MILR1: variants seen among roughly 807,000 people sequenced by gnomAD.
MILR1 encodes the protein allergin-1.
A neutral mutation model predicts 18.5 loss-of-function variants in MILR1; 31 were observed. The observed-to-expected ratio is 1.68, with a 90% CI of 1.26 to 2.26. The LOEUF (loss-of-function observed/expected upper bound fraction) is 2.26, where lower values mean the gene tolerates loss of function less well. Among genes scored for constraint, MILR1 ranks in the 30% most tolerant of loss-of-function variants. The probability of loss-of-function intolerance (pLI) is 0.00; values close to 1 mark genes in which losing one functional copy is unlikely to be tolerated. For missense variants in MILR1, 257 were observed against 157.4 expected, an observed-to-expected ratio of 1.63 and a Z score of -3.38; for synonymous variants, 85 against 56.2, an observed-to-expected ratio of 1.51 and a Z score of -2.30.
the MILR1 span, among the ~76,000 whole-genome samples, chr17:64,497,349 T>C: frequency 6.6e-6 from 1 of 152,274 alleles, no homozygotes; most frequent in Non-Finnish European, 1.5e-5. Context: ...ACTTCAGTAT[T>C]ATCCAAATCA....
chr17:64,496,274 A>C, the MILR1 span: 1 of 647,020 alleles, frequency 1.5e-6, no homozygotes, highest in Non-Finnish European at 2.8e-6. Context: ...ATATCCGACT[A>C]CTTCAAAAAG....
At chr17:64,493,026 C>G in the MILR1 span, 1 of 1,614,036 alleles carries the variant, frequency 6.2e-7, no homozygotes, top group Non-Finnish European at 8.5e-7. Context: ...AGGCACCTGT[C>G]AAAAGATAAA....
Position 64,464,748 on chromosome 17 carries a change from C to A in MILR1, c.764-704C>A, listed in dbSNP as rs552009186. On this transcript the variant is annotated intron_variant, in intron 5 of 9. Transcript: ENST00000619286. The stretch of plus-strand genomic sequence containing the variant: ...GACCAGCCTGGCTAACATGGTGAAG[C>A]CCCGCCTCTACTAAAAATACAAAAA... Among the ~76,000 whole-genome samples, 35 of 152,288 alleles carry A rather than the reference C, an allele frequency of 2.3e-4. 1 individual carries two copies. The South Asian group carries it at 6.8e-3, about 30-fold the overall frequency.
intron 5 of MILR1, among the ~76,000 whole-genome samples, chr17:64,463,919 G>A (rs1245657618): frequency 6.7e-6 from 1 of 150,370 alleles, no homozygotes; most frequent in Non-Finnish European, 1.5e-5. Flanking sequence ...TGCCTCCCAG[G>A]TTCAAGCGTT....
At position 64,466,618 on chromosome 17, in the gene MILR1, A is replaced by T. The variant is rs782085247; in HGVS notation, c.935A>T (p.Gln312Leu). 6.2e-7 allele frequency: 1 copy of T among 1,611,206 alleles called. No homozygotes were observed. The highest frequency in any genetic ancestry group is 8.5e-7 in the Non-Finnish European group (1 of 1,178,722). Reference protein sequence around the residue: ...QDEAKHSQELQYATPVFQEVA... With the variant: ...QDEAKHSQELLYATPVFQEVA... ...GAGGCCAAACACTCCCAGGAGCTAC[A>T]GTATGCCACCCCCGTGTTCCAGGAG... Residue 312 changes from glutamine (Q) to leucine (L), a missense_variant, in exon 8 of 10, where the codon CAG becomes CTG. By Grantham distance (113) the Gln-to-Leu change is moderately radical. Transcript: ENST00000619286.
chr17:64,466,750 G>T (rs373769630), intron 8 of MILR1, 88 bp downstream of exon 8: 8 of 1,103,874 alleles, frequency 7.2e-6, no homozygotes, highest in Non-Finnish European at 1.1e-5. Context: ...TCAGGAGCCC[G>T]TTAATGGGGT....
At chr17:64,473,001 G>A (rs905212346), downstream of MILR1, among the ~76,000 whole-genome samples, 5 of 152,150 alleles carry the variant, frequency 3.3e-5, no homozygotes, top group Non-Finnish European at 5.9e-5. Context: ...ATGTGTGGTC[G>A]ACTTTTTGGC....
chr17:64,497,088 G>A, the MILR1 span: 310 of 1,060,618 alleles, frequency 2.9e-4, 1 homozygote, highest in Non-Finnish European at 4.1e-4. Context: ...GAGCGTGCTT[G>A]CGGGCGGCAG....
the MILR1 span, chr17:64,490,896 T>C: frequency 2.5e-6 from 4 of 1,613,836 alleles, no homozygotes; most frequent in Non-Finnish European, 3.4e-6. Context: ...AAAATTGTAG[T>C]AAAGTTTGTT....
At chr17:64,468,221 A>G (rs1342926510) in intron 9 of MILR1, 89 bp from the exon 10 acceptor site, 2 of 455,498 alleles carry the variant, frequency 4.4e-6, no homozygotes, top group African/African-American at 4.0e-5. Flanking sequence ...GGCTCCAGAC[A>G]TTGCTTGTGG....
chr17:64,487,092 AAGAG>A, the MILR1 span: 5 of 152,206 alleles, frequency 3.3e-5, no homozygotes, highest in African/African-American at 7.2e-5. Context: ...ACAAAAAAAA[AAGAG>A]AGAAAACCCC....
chr17:64,465,788 A>G (rs189790136), intron 6 of MILR1, among the ~76,000 whole-genome samples: 49 of 151,992 alleles, frequency 3.2e-4, no homozygotes, highest in African/African-American at 1.1e-3. Context: ...CTACACCATG[A>G]TTTTGTTTTT....
At chr17:64,486,335 CAGAG>C in the MILR1 span, among the ~76,000 whole-genome samples, 1,761 of 150,730 alleles carry the variant, frequency 0.012, 31 homozygotes, top group Non-Finnish European at 0.02. Context: ...CTTCCGAGCT[CAGAG>C]TTAGTATTCA....
At chr17:64,482,037 C>T in the MILR1 span, among the ~76,000 whole-genome samples, 1 of 150,976 alleles carries the variant, frequency 6.6e-6, no homozygotes, top group South Asian at 2.1e-4. Context: ...GCTTCTTTAA[C>T]ACACTTCAAA....
In MILR1 at chr17:64,457,565, C is replaced by T. The variant is rs2037328766; in HGVS notation, c.533C>T (p.Pro178Leu). ...GCTATTTCCAAGTATGACAGGGAGC[C>T]TGCTGAATTTAACTTAACCAAGAAG... ...SPAISKYDREPAEFNLTKKNP... is the reference protein window; with the variant it reads ...SPAISKYDRELAEFNLTKKNP... The change falls in exon 4 of 10, where the codon CCT becomes CTT. Residue 178 changes from proline to leucine, a missense_variant. Physicochemically the swap from Pro to Leu is moderately conservative, Grantham distance 98. Transcript: ENST00000619286. 3 of 475,376 alleles carry T rather than the reference C, an allele frequency of 6.3e-6. No individual in the cohort carries two copies. The highest frequency in any genetic ancestry group is 1.3e-4 in the South Asian group (2 of 14,882). 29.4% of individuals were successfully genotyped at this position (475,376 alleles called of 1,614,324 possible).
chr17:64,491,833 A>C, the MILR1 span: 1 of 436,804 alleles, frequency 2.3e-6, no homozygotes, highest in African/African-American at 2.1e-5. Flanking sequence ...CTTGGCTGCA[A>C]CCCCTCCATA....
intron 6 of MILR1, among the ~76,000 whole-genome samples, chr17:64,466,063 A>G (rs1248048191): frequency 1.3e-5 from 2 of 152,202 alleles, no homozygotes; most frequent in Non-Finnish European, 2.9e-5. Flanking sequence ...ACTTACAATC[A>G]TGGTGGAAGG....
chr17:64,465,909 T>G (rs2037546683), intron 6 of MILR1, among the ~76,000 whole-genome samples: 1 of 152,190 alleles, frequency 6.6e-6, no homozygotes, highest in African/African-American at 2.4e-5. Flanking sequence ...GCATATTGCT[T>G]TGCAGTAAAC....
At chr17:64,450,185 A>G (rs7220126) in intron 2 of MILR1, among the ~76,000 whole-genome samples, 58,635 of 151,864 alleles carry the variant, frequency 0.39, 11,696 homozygotes, top group Middle Eastern at 0.6. Context: ...TGATCCGCCC[A>G]CCTTGGCCTC....
Sources: allele counts gnomAD v4.1 joint callset (sites outside exome capture counted in the v4.1 genomes callset), GRCh38; gene constraint gnomAD v4.1.1; transcripts MANE v1.5; gene names NCBI Gene and HGNC (gene_info 2026-07-23, HGNC 2026-07-21).